The following ALCAM variants were observed in gnomAD, a reference collection of about 807,000 sequenced individuals.
The protein encoded by ALCAM is activated leukocyte cell adhesion molecule, also known as CD166 antigen.
ALCAM carries 30 observed loss-of-function variants against 70.9 expected under a neutral mutation model. That is an observed-to-expected ratio of 0.42 (90% CI 0.32 to 0.57). The LOEUF (loss-of-function observed/expected upper bound fraction) is 0.57. Ranked by LOEUF, ALCAM falls within the 20% of genes least tolerant of loss-of-function variation. The probability of loss-of-function intolerance (pLI) is 0.11; values close to 1 mark genes in which losing one functional copy is unlikely to be tolerated. For missense variants in ALCAM, 591 were observed against 695.1 expected, an observed-to-expected ratio of 0.85 and a Z score of 1.68; for synonymous variants, 249 against 242.5, an observed-to-expected ratio of 1.03 and a Z score of -0.25.
intron 1 of ALCAM, among the ~76,000 whole-genome samples, chr3:105,502,402 G>A (rs190751468): frequency 9.8e-5 from 15 of 152,292 alleles, no homozygotes; most frequent in Admixed American, 2.0e-4. Flanking sequence ...GACCTGGGTG[G>A]TTATCAGAGT....
intron 1 of ALCAM, among the ~76,000 whole-genome samples, chr3:105,464,068 C>CAA (rs1261319402): frequency 6.6e-6 from 1 of 151,328 alleles, no homozygotes; most frequent in Non-Finnish European, 1.5e-5. Context: ...ATCTGTCAAC[C>CAA]TCCAGAGGAC....
At chr3:105,478,999 T>C (rs1234859085) in intron 1 of ALCAM, among the ~76,000 whole-genome samples, 1 of 152,154 alleles carries the variant, frequency 6.6e-6, no homozygotes, top group Non-Finnish European at 1.5e-5. Context: ...TCACTGAACA[T>C]TTACAGGTTT....
intron 1 of ALCAM, among the ~76,000 whole-genome samples, chr3:105,517,538 C>T (rs1257332493): frequency 1.3e-5 from 2 of 152,076 alleles, no homozygotes; most frequent in African/African-American, 4.8e-5. Flanking sequence ...ACGGTCATCA[C>T]AAGTGAAGAA....
chr3:105,485,007 T>C (rs1938385310), intron 1 of ALCAM, among the ~76,000 whole-genome samples: 1 of 151,996 alleles, frequency 6.6e-6, no homozygotes. Flanking sequence ...TTCAGATAGG[T>C]TCCATAAATA....
At chr3:105,535,798 G>T in intron 6 of ALCAM, among the ~76,000 whole-genome samples, 1 of 151,990 alleles carries the variant, frequency 6.6e-6, no homozygotes, top group East Asian at 1.9e-4. Context: ...ACTGGCATGT[G>T]TTCTACAGTA....
intron 3 of ALCAM, among the ~76,000 whole-genome samples, chr3:105,526,275 A>C (rs1388284232): frequency 6.9e-6 from 1 of 144,644 alleles, no homozygotes; most frequent in Non-Finnish European, 1.5e-5. Flanking sequence ...GACAGTTTTC[A>C]AAACATTTTG....
At chr3:105,509,837 T>C (rs1939188023) in intron 1 of ALCAM, among the ~76,000 whole-genome samples, 1 of 152,164 alleles carries the variant, frequency 6.6e-6, no homozygotes, top group Non-Finnish European at 1.5e-5. Flanking sequence ...TGCATTCTTC[T>C]AAAAGCTTTA....
chr3:105,370,096 T>A (rs914275817), intron 1 of ALCAM, among the ~76,000 whole-genome samples: 1 of 152,208 alleles, frequency 6.6e-6, no homozygotes, highest in African/African-American at 2.4e-5. Context: ...AACTACTCAC[T>A]GATCTCACTG....
chr3:105,398,838 G>C (rs761302857), intron 1 of ALCAM, among the ~76,000 whole-genome samples: 1 of 150,444 alleles, frequency 6.6e-6, no homozygotes, highest in Admixed American at 6.6e-5. Flanking sequence ...TTGTTGCTTT[G>C]TTCCTTCTGC....
chr3:105,368,115 C>G (rs1576112893), intron 1 of ALCAM, among the ~76,000 whole-genome samples: 1 of 151,644 alleles, frequency 6.6e-6, no homozygotes, highest in East Asian at 1.9e-4. Flanking sequence ...ATAACACAGC[C>G]AGAACAGGAA....
intron 3 of ALCAM, among the ~76,000 whole-genome samples, chr3:105,527,371 A>T (rs1394724040): frequency 6.6e-6 from 1 of 152,086 alleles, no homozygotes; most frequent in African/African-American, 2.4e-5. Flanking sequence ...ATCTGCTGCT[A>T]ATTTCTGACT....
chr3:105,571,267 A>G (rs1940855891), intron 14 of ALCAM, among the ~76,000 whole-genome samples: 1 of 152,136 alleles, frequency 6.6e-6, no homozygotes, highest in Non-Finnish European at 1.5e-5. Flanking sequence ...GGGGATGCTG[A>G]TACTGCTGGT....
intron 1 of ALCAM, among the ~76,000 whole-genome samples, chr3:105,406,765 A>T (rs762097322): frequency 5.2e-4 from 79 of 152,222 alleles, no homozygotes; most frequent in Non-Finnish European, 9.6e-4. Flanking sequence ...GAAAAAAAAA[A>T]ACTGGTTCTT....
At chr3:105,427,467 C>G (rs930772041) in intron 1 of ALCAM, among the ~76,000 whole-genome samples, 3 of 151,856 alleles carry the variant, frequency 2.0e-5, no homozygotes, top group Non-Finnish European at 4.4e-5. Context: ...GGCCCCCTGT[C>G]CCCACTGCTT....
intron 1 of ALCAM, chr3:105,513,240 G>GGTA (rs1391256621): frequency 1.3e-5 from 2 of 151,708 alleles, no homozygotes; most frequent in African/African-American, 4.8e-5. Context: ...ATGATGACTT[G>GGTA]GTAACACAGG....
chr3:105,473,117 T>C (rs1017268247), intron 1 of ALCAM, among the ~76,000 whole-genome samples: 3 of 151,544 alleles, frequency 2.0e-5, no homozygotes, highest in Admixed American at 1.3e-4. Flanking sequence ...AAATGAAATA[T>C]AGCAGAATGC....
intron 14 of ALCAM, among the ~76,000 whole-genome samples, chr3:105,557,303 C>T (rs1401388157): frequency 6.6e-6 from 1 of 152,002 alleles, no homozygotes; most frequent in East Asian, 1.9e-4. Flanking sequence ...CTTATCAAAC[C>T]ATAAATAATA....
intron 1 of ALCAM, among the ~76,000 whole-genome samples, chr3:105,411,657 A>G (rs1407083775): frequency 6.6e-6 from 1 of 152,112 alleles, no homozygotes; most frequent in African/African-American, 2.4e-5. Flanking sequence ...AAAATGAGCA[A>G]AGGGACAAAG....
At position 105,547,462 on chromosome 3, in the gene ALCAM, A is replaced by C. The variant is rs1238677529; in HGVS notation, c.1313A>C (p.Glu438Ala). ...GLSKTIICHV[E>A]GFPKPAIQWT... Reference sequence around the variant, plus strand: ...TCTAAAACAATAATCTGCCATGTGGAAGGTTTTCCAAAGCCAGCCATTCAA... The same window carrying C: ...TCTAAAACAATAATCTGCCATGTGGCAGGTTTTCCAAAGCCAGCCATTCAA... Residue 438 changes from glutamate (E) to alanine (A), a missense_variant, in exon 11 of 16, where the codon GAA (glutamate) becomes GCA (alanine). By Grantham distance (107) the Glu-to-Ala change is moderately radical. This residue lies in a region of ALCAM where 164 missense variants were observed against 244.7 expected (regional missense o/e 0.67). Coordinates refer to ENST00000306107, the MANE Select transcript of ALCAM (RefSeq NM_001627.4). 6.2e-7 allele frequency: 1 copy of C among 1,610,730 alleles called. No homozygotes were observed.
Sources: gnomAD v4.1 joint callset for allele counts (sites outside exome capture counted in the v4.1 genomes callset) on GRCh38, gnomAD v4.1.1 for gene constraint, gnomAD v4.1.1 regional missense constraint, MANE v1.5 for transcripts, NCBI Gene and HGNC (gene_info 2026-07-23, HGNC 2026-07-21) for gene names.